The following CDH13 variants were observed in gnomAD, a reference collection of about 807,000 sequenced individuals.
CDH13 encodes the protein cadherin-13.
CDH13 carries 24 observed loss-of-function variants against 63.8 expected under a neutral mutation model. That is an observed-to-expected ratio of 0.38 (90% CI 0.27 to 0.53). The LOEUF (loss-of-function observed/expected upper bound fraction) is 0.53, where lower values mean the gene tolerates loss of function less well. Ranked by LOEUF, CDH13 falls within the 20% of genes least tolerant of loss-of-function variation. The pLI, the probability that CDH13 is intolerant of heterozygous loss-of-function variation, is 0.85. For synonymous variants in CDH13, 503 were observed against 355.3 expected (o/e 1.42, Z -4.67); for missense variants, 1,049 against 903.1 (o/e 1.16, Z -2.07).
intron 8 of CDH13, among the ~76,000 whole-genome samples, chr16:83,647,587 G>C (rs1424357409): frequency 6.6e-6 from 1 of 152,180 alleles, no homozygotes; most frequent in Non-Finnish European, 1.5e-5. Context: ...TGCAAAACCT[G>C]ATAATCAAGG....
At chr16:83,565,969 C>T (rs76511781) in intron 7 of CDH13, among the ~76,000 whole-genome samples, 2,897 of 152,230 alleles carry the variant, frequency 0.019, 104 homozygotes, top group African/African-American at 0.066. Flanking sequence ...CATGCTATAG[C>T]GTTTGCACTC....
At chr16:83,290,005 A>T (rs1193710911) in intron 5 of CDH13, among the ~76,000 whole-genome samples, 4 of 151,716 alleles carry the variant, frequency 2.6e-5, no homozygotes, top group African/African-American at 9.7e-5. Context: ...AGAGGGAACC[A>T]CTCTTCTGAC....
intron 4 of CDH13, among the ~76,000 whole-genome samples, chr16:83,185,110 A>G (rs1456236689): frequency 6.6e-6 from 1 of 152,114 alleles, no homozygotes; most frequent in African/African-American, 2.4e-5. Flanking sequence ...ATATAAAGAA[A>G]CTGAGGCACA....
At chr16:83,198,261 T>C (rs1460488763) in intron 4 of CDH13, among the ~76,000 whole-genome samples, 1 of 151,778 alleles carries the variant, frequency 6.6e-6, no homozygotes, top group East Asian at 1.9e-4. Context: ...TATTCTGAAA[T>C]AGTCTCCTCA....
intron 4 of CDH13, among the ~76,000 whole-genome samples, chr16:83,197,021 A>T (rs1051736596): frequency 6.6e-6 from 1 of 152,228 alleles, no homozygotes; most frequent in African/African-American, 2.4e-5. Flanking sequence ...TATTTGCCAG[A>T]AACTGAAAAC....
intron 6 of CDH13, among the ~76,000 whole-genome samples, chr16:83,452,483 C>G (rs1197422586): frequency 6.6e-6 from 1 of 151,724 alleles, no homozygotes; most frequent in Admixed American, 6.6e-5. Context: ...AGGACAAAGG[C>G]TTTTATGATT....
intron 7 of CDH13, among the ~76,000 whole-genome samples, chr16:83,544,508 T>C (rs989014536): frequency 2.6e-5 from 4 of 152,142 alleles, no homozygotes; most frequent in African/African-American, 9.7e-5. Context: ...ACACTTCCAG[T>C]ACAGTATTCA....
chr16:83,598,631 A>G (rs1344711777), intron 7 of CDH13, among the ~76,000 whole-genome samples: 1 of 152,150 alleles, frequency 6.6e-6, no homozygotes, highest in Non-Finnish European at 1.5e-5. Context: ...CATCTGAATC[A>G]AGTGTCTTGA....
At chr16:83,355,475 C>A (rs1411586202) in intron 6 of CDH13, among the ~76,000 whole-genome samples, 2 of 152,202 alleles carry the variant, frequency 1.3e-5, no homozygotes, top group Non-Finnish European at 2.9e-5. Context: ...TTAGCAGAGT[C>A]CCAGGCACAA....
intron 3 of CDH13, among the ~76,000 whole-genome samples, chr16:83,093,495 T>C (rs942880878): frequency 6.6e-6 from 1 of 151,814 alleles, no homozygotes; most frequent in Non-Finnish European, 1.5e-5. Flanking sequence ...ATTTTTTGTA[T>C]TTTTAGTAGA....
intron 1 of CDH13, among the ~76,000 whole-genome samples, chr16:82,841,282 A>AT (rs2068509693): frequency 6.6e-6 from 1 of 152,112 alleles, no homozygotes; most frequent in Admixed American, 6.5e-5. Context: ...GCCAGCCATG[A>AT]TTTTTTGCAG....
chr16:83,167,491 C>T (rs949053927), intron 4 of CDH13, among the ~76,000 whole-genome samples: 9 of 124,802 alleles, frequency 7.2e-5, no homozygotes, highest in African/African-American at 2.5e-4. Context: ...CAGAGTGAGA[C>T]CCTTTCCCAA....
chr16:83,054,020 A>C (rs2030664328), intron 3 of CDH13, among the ~76,000 whole-genome samples: 1 of 152,258 alleles, frequency 6.6e-6, no homozygotes, highest in Non-Finnish European at 1.5e-5. Flanking sequence ...GTTTAAATAC[A>C]CAAATACCAT....
intron 7 of CDH13, among the ~76,000 whole-genome samples, chr16:83,545,528 T>G (rs1469448994): frequency 6.6e-6 from 1 of 152,182 alleles, no homozygotes; most frequent in Non-Finnish European, 1.5e-5. Context: ...GACAAGGCCT[T>G]CATGGCTGTT....
At position 83,668,679 on chromosome 16, in the gene CDH13, C is replaced by T. The variant is rs375967632; in HGVS notation, c.1102-2111C>T. Among the ~76,000 whole-genome samples the T allele has an allele frequency of 4.3e-4, 65 of 152,282 alleles. 1 individual carries two copies. The South Asian group carries it at 0.013, about 32-fold the overall frequency. ...GGGGATCTAAGGTGGGCAGGAGTGG[C>T]AGAGCAAAGATTACTGGAAACCAGG... On this transcript the variant is annotated intron_variant, in intron 8 of 13. Transcript: ENST00000567109.
At chr16:83,049,528 G>T (rs2030049876) in intron 3 of CDH13, among the ~76,000 whole-genome samples, 1 of 151,702 alleles carries the variant, frequency 6.6e-6, no homozygotes. Flanking sequence ...GTAGAGACCG[G>T]GTTTCACCGT....
chr16:83,050,755 G>A (rs74644919), intron 3 of CDH13, among the ~76,000 whole-genome samples: 135 of 152,154 alleles, frequency 8.9e-4, no homozygotes, highest in African/African-American at 2.9e-3. Context: ...GTTTCTGAAC[G>A]CTCATACTGG....
intron 6 of CDH13, among the ~76,000 whole-genome samples, chr16:83,444,178 A>G (rs2072592689): frequency 6.6e-6 from 1 of 152,136 alleles, no homozygotes; most frequent in African/African-American, 2.4e-5. Flanking sequence ...GATGGTGATG[A>G]TGGCAACAGT....
chr16:83,345,601 A>G (rs2090822993), intron 6 of CDH13, among the ~76,000 whole-genome samples: 1 of 152,166 alleles, frequency 6.6e-6, no homozygotes. Context: ...GTCTTTTCCC[A>G]TGTTTAACCT....
Sources: allele counts gnomAD v4.1 joint callset (sites outside exome capture counted in the v4.1 genomes callset), GRCh38; gene constraint gnomAD v4.1.1; transcripts MANE v1.5; gene names NCBI Gene and HGNC (gene_info 2026-07-23, HGNC 2026-07-21).